LRP2BP: variants seen among roughly 807,000 people sequenced by gnomAD.
LRP2BP encodes the protein LRP2 binding protein, also known as LRP2-binding protein.
LRP2BP carries 38 observed loss-of-function variants against 45.2 expected under a neutral mutation model. The ratio of observed to expected loss-of-function variants is 0.84; its 90% CI spans 0.65 to 1.10. The LOEUF (loss-of-function observed/expected upper bound fraction) is 1.10. Ranked by LOEUF, LRP2BP falls within the 50% of genes least tolerant of loss-of-function variation. The pLI is 0.00. For synonymous variants in LRP2BP, 153 were observed against 153.9 expected (o/e 0.99, Z 0.04); for missense variants, 385 against 418.9 (o/e 0.92, Z 0.71).
At chr4:185,377,218 G>C in intron 2 of LRP2BP, 200 bp from the exon 3 acceptor site, 2 of 546,494 alleles carry the variant, frequency 3.7e-6, no homozygotes, top group Non-Finnish European at 3.3e-6. Flanking sequence ...ACTGTGCCTT[G>C]TGTAATAAAG....
intron 1 of LRP2BP, among the ~76,000 whole-genome samples, chr4:185,382,719 C>T (rs939412315): frequency 6.6e-6 from 1 of 152,190 alleles, no homozygotes; most frequent in Non-Finnish European, 1.5e-5. Context: ...CTTTATATAT[C>T]CTACATACTA....
chr4:185,387,825 A>G (rs1227516776), intron 1 of LRP2BP, among the ~76,000 whole-genome samples: 6 of 152,200 alleles, frequency 3.9e-5, no homozygotes. Context: ...GCCAGCCCCC[A>G]GCCCCGGGCC....
intron 1 of LRP2BP, among the ~76,000 whole-genome samples, chr4:185,388,529 T>C (rs781364869): frequency 1.4e-4 from 21 of 152,102 alleles, no homozygotes; most frequent in Middle Eastern, 3.4e-3. Flanking sequence ...TACCTACCTA[T>C]CTATCTATCT....
chr4:185,394,947 G>A lies in LRP2BP; in HGVS notation c.-190C>T. 1 of 985,348 alleles carries A rather than the reference G, an allele frequency of 1.0e-6. No individual in the cohort carries two copies. The highest frequency in any genetic ancestry group is 1.2e-6 in the Non-Finnish European group (1 of 829,928). The allele number at this position is 985,348 out of a possible 1,614,324, so 61.0% of individuals were successfully genotyped here. Reference sequence around the variant, plus strand: ...AGAAAATTGATCCCACCTGCTACACGCCTGGTGAAACTCCAGTTACTTGCC... The same window carrying A: ...AGAAAATTGATCCCACCTGCTACACACCTGGTGAAACTCCAGTTACTTGCC... On this transcript the variant is annotated 5_prime_UTR_variant, in exon 1 of 9. Transcript: ENST00000505916.
Position 185,373,089 on chromosome 4 carries a change from G to T in LRP2BP, c.580-10C>A. ...AATGCCAGTAAAATGCCTAAGAAAA[G>T]CACAGTTTCATCATTGTATTTGTGA... On this transcript the variant is annotated splice_polypyrimidine_tract_variant and intron_variant, in intron 6 of 8. Transcript: ENST00000505916. The T allele has an allele frequency of 6.3e-7, 1 of 1,598,012 alleles. No individual in the cohort carries two copies. The highest frequency in any genetic ancestry group is 8.6e-7 in the Non-Finnish European group (1 of 1,166,140).
rs1331836049 is a variant in LRP2BP, at chr4:185,376,415, T to TAC, written c.216+492_216+493dup. Among the ~76,000 whole-genome samples the TAC allele has an allele frequency of 4.6e-5, 7 of 151,452 alleles. No homozygotes were observed. The South Asian group carries it at 8.4e-4, about 18-fold the overall frequency. The stretch of plus-strand genomic sequence containing the variant: ...CCTCAGCCTCCCAAGTAGCTGGGAT[T>TAC]ACAGATGTGTGCCACCATGCCCAGC... On this transcript the variant is annotated intron_variant, in intron 3 of 8. Transcript: ENST00000505916.
intron 7 of LRP2BP, among the ~76,000 whole-genome samples, chr4:185,371,435 G>A (rs899363181): frequency 1.3e-5 from 2 of 151,586 alleles, no homozygotes; most frequent in Non-Finnish European, 2.9e-5. Flanking sequence ...CCAGCTACTC[G>A]GGAGGCTGAG....
chr4:185,369,998 T>C (rs2095409732), intron 8 of LRP2BP: 1 of 213,002 alleles, frequency 4.7e-6, no homozygotes, highest in Non-Finnish European at 9.7e-6. Flanking sequence ...CTCGTGGATG[T>C]GATGGACCTA....
chr4:185,385,723 A>T (rs914013073), intron 1 of LRP2BP, among the ~76,000 whole-genome samples: 6 of 149,906 alleles, frequency 4.0e-5, no homozygotes, highest in Non-Finnish European at 9.0e-5. Flanking sequence ...CAAAAAGGTG[A>T]AACTCCGTCT....
At position 185,374,259 on chromosome 4, in the gene LRP2BP, C is replaced by G. The variant is rs1240361910; in HGVS notation, c.474-19G>C. 1 of 1,614,076 alleles carries G rather than the reference C, an allele frequency of 6.2e-7. No homozygotes were observed. Among genetic ancestry groups the G allele is most frequent in the East Asian group, 2.2e-5 (1 of 44,882 alleles). On this transcript the variant is annotated intron_variant, in intron 5 of 8. Transcript: ENST00000505916. ...CCACAGTCTACAAGAGAAAGTGAGGCATGTTATTCTCGGTTTCAGCATTTC... is the reference window on the plus strand; with the variant it reads ...CCACAGTCTACAAGAGAAAGTGAGGGATGTTATTCTCGGTTTCAGCATTTC...
chr4:185,383,471 C>A (rs1371809437), intron 1 of LRP2BP, among the ~76,000 whole-genome samples: 2 of 152,156 alleles, frequency 1.3e-5, no homozygotes, highest in African/African-American at 2.4e-5. Flanking sequence ...CAGAGTGAGA[C>A]CCCATCTCCA....
intron 7 of LRP2BP, among the ~76,000 whole-genome samples, chr4:185,371,795 G>C (rs961336627): frequency 6.6e-5 from 10 of 152,182 alleles, no homozygotes; most frequent in African/African-American, 2.4e-4. Context: ...GCTGCCTGGA[G>C]CCCGAGACGC....
intron 7 of LRP2BP, among the ~76,000 whole-genome samples, chr4:185,371,460 T>G (rs895811730): frequency 1.4e-5 from 2 of 144,772 alleles, no homozygotes; most frequent in South Asian, 2.2e-4. Flanking sequence ...GAGAATGGCG[T>G]GAACCCGGAA....
intron 1 of LRP2BP, among the ~76,000 whole-genome samples, chr4:185,393,656 A>G (rs2095494181): frequency 6.6e-6 from 1 of 151,624 alleles, no homozygotes; most frequent in African/African-American, 2.4e-5. Flanking sequence ...CTCCGGAGTA[A>G]CTGGGATTAC....
chr4:185,375,413 G>A (rs1337144316), intron 4 of LRP2BP, among the ~76,000 whole-genome samples, 200 bp downstream of exon 4: 10 of 121,140 alleles, frequency 8.3e-5, no homozygotes, highest in Non-Finnish European at 1.2e-4. Context: ...CCGAGGTCGC[G>A]CCATTGCACT....
Position 185,395,426 on chromosome 4 carries a change from A to T in LRP2BP, c.-669T>A. ...CCTGAAGCTTCAACACGTGTTTTAA[A>T]AAGCAGTGCTTATTGAATTGATAAA... On this transcript the variant is annotated 5_prime_UTR_variant, in exon 1 of 9. Coordinates refer to ENST00000505916, the MANE Select transcript of LRP2BP (RefSeq NM_001377440.1). 1.0e-6 allele frequency: 1 copy of T among 985,460 alleles called. No individual in the cohort carries two copies. Among genetic ancestry groups the T allele is most frequent in the African/African-American group, 1.7e-5 (1 of 57,372 alleles). The allele number at this position is 985,460 out of a possible 1,614,324, so 61.0% of individuals were successfully genotyped here.
chr4:185,379,073 C>T (rs1046238664), intron 1 of LRP2BP: 2 of 633,536 alleles, frequency 3.2e-6, no homozygotes, highest in African/African-American at 4.0e-5. Context: ...AAAAAAATCA[C>T]TGAATTATCT....
At chr4:185,385,821 A>C (rs774414332) in intron 1 of LRP2BP, among the ~76,000 whole-genome samples, 3 of 149,894 alleles carry the variant, frequency 2.0e-5, no homozygotes, top group Non-Finnish European at 4.4e-5. Context: ...GAATTGCTCA[A>C]ACCCGGAAGG....
chr4:185,377,410 C>A (rs561907286), intron 2 of LRP2BP: 9 of 166,652 alleles, frequency 5.4e-5, no homozygotes, highest in Admixed American at 5.3e-4. Context: ...CCCAGCTACT[C>A]GGGAGACTCA....
Sources: gnomAD v4.1 joint callset for allele counts (sites outside exome capture counted in the v4.1 genomes callset) on GRCh38, gnomAD v4.1.1 for gene constraint, MANE v1.5 for transcripts, NCBI Gene and HGNC (gene_info 2026-07-23, HGNC 2026-07-21) for gene names.